Variants in HCRTR2 observed in about 807,000 individuals in gnomAD.
HCRTR2 encodes orexin receptor type 2.
A neutral mutation model predicts 49.0 loss-of-function variants in HCRTR2; 22 were observed. The observed-to-expected ratio is 0.45, with a 90% CI of 0.32 to 0.64. HCRTR2 has a LOEUF of 0.64. Ranked by LOEUF, HCRTR2 falls within the 30% of genes least tolerant of loss-of-function variation. The pLI is 0.04. For missense variants in HCRTR2, 491 were observed against 559.4 expected, an observed-to-expected ratio of 0.88 and a Z score of 1.23; for synonymous variants, 236 against 205.3, an observed-to-expected ratio of 1.15 and a Z score of -1.28.
chr6:55,115,244 T>C (rs1166250838), intron 1 of HCRTR2, among the ~76,000 whole-genome samples: 1 of 151,782 alleles, frequency 6.6e-6, no homozygotes, highest in Non-Finnish European at 1.5e-5. Context: ...ACTTATTCAA[T>C]TTTGACTCTT....
At chr6:55,146,399 A>C (rs1159164123) in intron 1 of HCRTR2, among the ~76,000 whole-genome samples, 3 of 152,208 alleles carry the variant, frequency 2.0e-5, no homozygotes, top group Non-Finnish European at 4.4e-5. Flanking sequence ...TGCAGGCATT[A>C]ATTTTCACAA....
At chr6:55,153,268 A>C (rs577314605) in intron 1 of HCRTR2, among the ~76,000 whole-genome samples, 1 of 152,122 alleles carries the variant, frequency 6.6e-6, no homozygotes, top group African/African-American at 2.4e-5. Flanking sequence ...TGAGAAATGC[A>C]TTATTACATG....
chr6:55,259,948 A>G (rs1405802467), intron 3 of HCRTR2, among the ~76,000 whole-genome samples: 1 of 152,146 alleles, frequency 6.6e-6, no homozygotes, highest in Non-Finnish European at 1.5e-5. Flanking sequence ...TTCCCTAGTT[A>G]TCTATTATAA....
chr6:55,251,840 G>T (rs566654565), intron 2 of HCRTR2, among the ~76,000 whole-genome samples: 2 of 151,912 alleles, frequency 1.3e-5, no homozygotes, highest in South Asian at 4.1e-4. Flanking sequence ...CCAAGTACCT[G>T]AAGGCAGAAG....
intron 1 of HCRTR2, among the ~76,000 whole-genome samples, chr6:55,156,217 G>C (rs898108475): frequency 3.9e-5 from 6 of 151,964 alleles, no homozygotes; most frequent in South Asian, 4.1e-4. Flanking sequence ...TGGAGACCAA[G>C]AGAAATTAAG....
intron 1 of HCRTR2, among the ~76,000 whole-genome samples, chr6:55,142,980 A>AC (rs2127253783): frequency 1.2e-5 from 1 of 80,796 alleles, no homozygotes; most frequent in Admixed American, 1.5e-4. Flanking sequence ...TATGATAGAA[A>AC]GATGATAGAT....
chr6:55,200,122 C>T (rs1765484578), intron 1 of HCRTR2, among the ~76,000 whole-genome samples: 1 of 152,194 alleles, frequency 6.6e-6, no homozygotes, highest in East Asian at 1.9e-4. Flanking sequence ...ATCACTAAAA[C>T]TTTAAAAGAA....
intron 3 of HCRTR2, among the ~76,000 whole-genome samples, chr6:55,259,840 C>T (rs932282131): frequency 3.3e-5 from 5 of 152,010 alleles, no homozygotes; most frequent in African/African-American, 1.2e-4. Flanking sequence ...GAAGACATTG[C>T]TTATGAAGTA....
At chr6:55,193,701 T>C (rs1765360885) in intron 1 of HCRTR2, among the ~76,000 whole-genome samples, 1 of 152,096 alleles carries the variant, frequency 6.6e-6, no homozygotes, top group Non-Finnish European at 1.5e-5. Context: ...TCTCATAAAA[T>C]ACATTAGTTT....
At chr6:55,125,301 A>C (rs1764257955) in intron 1 of HCRTR2, among the ~76,000 whole-genome samples, 1 of 152,142 alleles carries the variant, frequency 6.6e-6, no homozygotes, top group Admixed American at 6.6e-5. Context: ...CTTGTAAGGC[A>C]GGTCTGGTGG....
intron 4 of HCRTR2, among the ~76,000 whole-genome samples, chr6:55,277,117 C>G (rs772662569): frequency 3.0e-4 from 46 of 152,278 alleles, no homozygotes; most frequent in Middle Eastern, 3.4e-3. Context: ...AAGGAAATAT[C>G]TTTTCCACTT....
upstream of HCRTR2, among the ~76,000 whole-genome samples, chr6:55,173,812 T>C (rs1486676230): frequency 6.6e-6 from 1 of 152,188 alleles, no homozygotes. Flanking sequence ...AAAAACAGTC[T>C]CATTCTCAAA....
intron 3 of HCRTR2, among the ~76,000 whole-genome samples, chr6:55,255,783 G>A (rs191253503): frequency 3.9e-5 from 6 of 152,188 alleles, no homozygotes; most frequent in Admixed American, 3.3e-4. Flanking sequence ...GTCCCTAATG[G>A]GCTTCAAATA....
At chr6:55,254,435 G>A (rs986849075) in intron 2 of HCRTR2, among the ~76,000 whole-genome samples, 1 of 151,948 alleles carries the variant, frequency 6.6e-6, no homozygotes, top group Non-Finnish European at 1.5e-5. Flanking sequence ...ATGATTTGTG[G>A]CATTGTTAAT....
intron 1 of HCRTR2, among the ~76,000 whole-genome samples, chr6:55,219,031 C>T (rs1401091347): frequency 6.6e-6 from 1 of 152,094 alleles, no homozygotes; most frequent in Non-Finnish European, 1.5e-5. Context: ...GTATATTGCC[C>T]AGCTGGTCTT....
At chr6:55,276,221 G>C (rs3800539) in intron 4 of HCRTR2, among the ~76,000 whole-genome samples, 1 of 152,018 alleles carries the variant, frequency 6.6e-6, no homozygotes, top group Non-Finnish European at 1.5e-5. Flanking sequence ...TAATTTATCC[G>C]ATATTTTCCA....
At chr6:55,162,195 A>G (rs1289428577) in intron 1 of HCRTR2, among the ~76,000 whole-genome samples, 2 of 152,232 alleles carry the variant, frequency 1.3e-5, no homozygotes, top group Non-Finnish European at 2.9e-5. Flanking sequence ...ACGAAAATCA[A>G]TAAATGTAAT....
chr6:55,224,749 G>A (rs1352305619), intron 1 of HCRTR2, among the ~76,000 whole-genome samples: 1 of 152,090 alleles, frequency 6.6e-6, no homozygotes, highest in Non-Finnish European at 1.5e-5. Context: ...ATGTTAAGAG[G>A]AACAAGTCAG....
chr6:55,277,171 T>C (rs1020845252), intron 4 of HCRTR2, among the ~76,000 whole-genome samples: 3 of 152,212 alleles, frequency 2.0e-5, no homozygotes, highest in African/African-American at 7.2e-5. Context: ...GTTTTAACTT[T>C]TTTTTCCACA....
Sources: gnomAD v4.1 joint callset for allele counts (sites outside exome capture counted in the v4.1 genomes callset) on GRCh38, gnomAD v4.1.1 for gene constraint, MANE v1.5 for transcripts, NCBI Gene and HGNC (gene_info 2026-07-23, HGNC 2026-07-21) for gene names.